RASL10B: variants seen among roughly 807,000 people sequenced by gnomAD.
RASL10B encodes ras-like protein family member 10B.
In RASL10B, 10 loss-of-function variants were observed where a neutral mutation model predicts 20.7. The ratio of observed to expected loss-of-function variants is 0.48; its 90% CI spans 0.30 to 0.82. RASL10B has a LOEUF of 0.82. Among genes scored for constraint, RASL10B ranks in the 40% least tolerant of loss-of-function variants. The pLI is 0.07. For missense variants in RASL10B, 231 were observed against 295.4 expected (o/e 0.78, Z 1.60); for synonymous variants, 110 against 123.3 (o/e 0.89, Z 0.72).
At chr17:35,732,329 GTC>G (rs2085563476) in intron 1 of RASL10B, among the ~76,000 whole-genome samples, 1 of 152,224 alleles carries the variant, frequency 6.6e-6, no homozygotes, top group Admixed American at 6.5e-5. Flanking sequence ...CCCTGTGTGT[GTC>G]TCTGGTCTCT....
chr17:35,735,919 A>G lies in RASL10B; in HGVS notation c.216+519A>G, dbSNP rs138306614. Among the ~76,000 whole-genome samples the G allele has an allele frequency of 3.1e-3, 476 of 152,290 alleles. 1 individual carries two copies. Among genetic ancestry groups the G allele is most frequent in the African/African-American group, 0.011 (457 of 41,570 alleles). ...ACTGTGAGTATTCGGAGCTGTGCCT[A>G]CCGTAACCTCACTCCACATCCTCTG... On this transcript the variant is annotated intron_variant, in intron 2 of 3. Transcript: ENST00000603017. This position sits in a 1 kb window ranked among gnomAD's most constrained non-coding sequence, Gnocchi z 6.7.
rs1327966526 is a variant in RASL10B, at chr17:35,731,670, G to A, written c.-356G>A. The A allele has an allele frequency of 6.6e-6, 1 of 152,244 alleles. No homozygotes were observed. The highest frequency in any genetic ancestry group is 1.5e-5 in the Non-Finnish European group (1 of 68,092). The allele number at this position is 152,244 out of a possible 1,614,324, so 9.4% of individuals were successfully genotyped here. A position where few individuals can be genotyped will look rare whatever the true frequency, so the allele number is the denominator to read the frequency against. Reference sequence around the variant, plus strand: ...GCGCGAGCAGGCGGCGCGCTCCGGAGGGAGAGCTGGGGCTGGAGGTTCCTA... The same window carrying A: ...GCGCGAGCAGGCGGCGCGCTCCGGAAGGAGAGCTGGGGCTGGAGGTTCCTA... On this transcript the variant is annotated 5_prime_UTR_variant, in exon 1 of 4. Transcript: ENST00000603017.
chr17:35,733,102 G>GT (rs869133093), intron 1 of RASL10B, among the ~76,000 whole-genome samples: 1 of 152,250 alleles, frequency 6.6e-6, no homozygotes, highest in African/African-American at 2.4e-5. Flanking sequence ...CACTGGGTTT[G>GT]TTTTTTGGGG....
At chr17:35,732,527 G>A (rs2085564646) in intron 1 of RASL10B, among the ~76,000 whole-genome samples, 1 of 152,230 alleles carries the variant, frequency 6.6e-6, no homozygotes, top group African/African-American at 2.4e-5. Context: ...CTGGAAAGAA[G>A]GAAGGGGCAC....
chr17:35,732,632 G>C (rs2085565169), intron 1 of RASL10B, among the ~76,000 whole-genome samples: 1 of 152,132 alleles, frequency 6.6e-6, no homozygotes, highest in Admixed American at 6.5e-5. Flanking sequence ...CCCCTTCCTA[G>C]CTCCTGGGTA....
chr17:35,740,741 G>T (rs2143020413), intron 3 of RASL10B, among the ~76,000 whole-genome samples: 1 of 152,348 alleles, frequency 6.6e-6, no homozygotes. Flanking sequence ...CTAGAGTAGT[G>T]CAGTAGTTAA....
chr17:35,739,334 G>A lies in RASL10B; in HGVS notation c.217-1075G>A, dbSNP rs191622477. On this transcript the variant is annotated intron_variant, in intron 2 of 3. Coordinates refer to ENST00000603017, the MANE Select transcript of RASL10B (RefSeq NM_033315.4). ...TCTAGTCTTTTGCCTGGGCTTTGGT[G>A]GGAGAAGACTCTGGTTTCCTTTGTC... is the stretch of plus-strand genomic sequence containing the variant. Among the ~76,000 whole-genome samples the A allele has an allele frequency of 1.8e-3, 268 of 152,312 alleles. 1 individual carries two copies. Among genetic ancestry groups the A allele is most frequent in the Admixed American group, 3.1e-3 (47 of 15,296 alleles).
At chr17:35,736,338 G>A (rs1206696845) in intron 2 of RASL10B, among the ~76,000 whole-genome samples, 8 of 152,202 alleles carry the variant, frequency 5.3e-5, no homozygotes, top group East Asian at 1.9e-4. Flanking sequence ...GACAAGGCTC[G>A]TCCAGGTGTA....
intron 2 of RASL10B, among the ~76,000 whole-genome samples, chr17:35,736,376 C>A (rs587677835): frequency 1.3e-5 from 2 of 152,356 alleles, no homozygotes; most frequent in South Asian, 2.1e-4. Context: ...GTCTCTCAGG[C>A]TGAGACCCTG....
Position 35,741,505 on chromosome 17 carries a change from T to A in RASL10B, c.*200T>A. 1.2e-6 allele frequency: 1 copy of A among 800,862 alleles called. No homozygotes were observed. Among genetic ancestry groups the A allele is most frequent in the East Asian group, 3.4e-5 (1 of 29,748 alleles). The allele number at this position is 800,862 out of a possible 1,614,324, so 49.6% of individuals were successfully genotyped here. A position where few individuals can be genotyped will look rare whatever the true frequency, so the allele number is the denominator to read the frequency against. On this transcript the variant is annotated 3_prime_UTR_variant, in exon 4 of 4. Coordinates refer to ENST00000603017, the MANE Select transcript of RASL10B (RefSeq NM_033315.4). ...TGCCCAGCCCTGCCCCTTGCCCCCG[T>A]GGCTTCCTGGGACAGCCGCCTTCAG...
rs782625980 is a variant in RASL10B, at chr17:35,740,482, T to G, written c.290T>G (p.Phe97Cys). The G allele has an allele frequency of 6.2e-7, 1 of 1,614,052 alleles. No homozygotes were observed. The highest frequency in any genetic ancestry group is 8.5e-7 in the Non-Finnish European group (1 of 1,179,988). Reference protein sequence around the residue: ...AYILVYDICCFDSFEYVKTIR... With the variant: ...AYILVYDICCCDSFEYVKTIR... ...ATCCTGGTCTACGACATCTGCTGCTTTGACAGCTTTGAGTACGTCAAGACC... is the reference window on the plus strand; with the variant it reads ...ATCCTGGTCTACGACATCTGCTGCTGTGACAGCTTTGAGTACGTCAAGACC... The change falls in exon 3 of 4, where the codon TTT becomes TGT. Residue 97 changes from phenylalanine (F) to cysteine (C), a missense_variant. Phe to Cys is a radical substitution (Grantham distance 205, BLOSUM62 -2). Transcript: ENST00000603017.
In RASL10B at chr17:35,735,017, G is replaced by A; in HGVS notation, c.-147-21G>A. ...GTCCAGGGATAAGCCAGTGCACTAAGCCCACCTCTTGTCCCCACAGTCCAG... is the reference window on the plus strand; with the variant it reads ...GTCCAGGGATAAGCCAGTGCACTAAACCCACCTCTTGTCCCCACAGTCCAG... On this transcript the variant is annotated intron_variant, in intron 1 of 3. Coordinates refer to ENST00000603017, the MANE Select transcript of RASL10B (RefSeq NM_033315.4). This position sits in a 1 kb window ranked among gnomAD's most constrained non-coding sequence, Gnocchi z 6.7. 1.5e-6 allele frequency: 1 copy of A among 668,112 alleles called. No individual in the cohort carries two copies. Among genetic ancestry groups the A allele is most frequent in the South Asian group, 1.8e-5 (1 of 56,954 alleles). The allele number at this position is 668,112 out of a possible 1,614,324, so 41.4% of individuals were successfully genotyped here.
chr17:35,741,472 T>C lies in RASL10B; in HGVS notation c.*167T>C. On this transcript the variant is annotated 3_prime_UTR_variant, in exon 4 of 4. Transcript: ENST00000603017. ...AGAAGCAGAGCGCGAGAGGGAGCCC[T>C]CCGTAACTGCCCAGCCCTGCCCCTT... 1 of 1,064,196 alleles carries C rather than the reference T, an allele frequency of 9.4e-7. No individual in the cohort carries two copies. The highest frequency in any genetic ancestry group is 1.3e-6 in the Non-Finnish European group (1 of 795,218). 65.9% of individuals were successfully genotyped at this position (1,064,196 alleles called of 1,614,324 possible). A position where few individuals can be genotyped will look rare whatever the true frequency, so the allele number is the denominator to read the frequency against.
intron 2 of RASL10B, among the ~76,000 whole-genome samples, chr17:35,738,189 AG>A (rs1555597457): frequency 6.6e-6 from 1 of 152,086 alleles, no homozygotes; most frequent in African/African-American, 2.4e-5. Context: ...TCTCTTTTCA[AG>A]AACTATTGAT....
At chr17:35,732,937 T>A (rs1172613521) in intron 1 of RASL10B, among the ~76,000 whole-genome samples, 1 of 152,034 alleles carries the variant, frequency 6.6e-6, no homozygotes, top group Non-Finnish European at 1.5e-5. Context: ...GAGGGACACA[T>A]GGGGAGGAGG....
chr17:35,736,198 G>A (rs1450187228), intron 2 of RASL10B, among the ~76,000 whole-genome samples: 3 of 151,110 alleles, frequency 2.0e-5, no homozygotes, highest in Non-Finnish European at 4.4e-5. Flanking sequence ...CCTCTGACTT[G>A]AGAGGGAGTG....
At chr17:35,739,657 G>C (rs1293605834) in intron 2 of RASL10B, among the ~76,000 whole-genome samples, 3 of 152,196 alleles carry the variant, frequency 2.0e-5, no homozygotes, top group Non-Finnish European at 4.4e-5. Flanking sequence ...TGAGGGCAGA[G>C]AGAAGCATAC....
intron 2 of RASL10B, among the ~76,000 whole-genome samples, chr17:35,739,745 G>T (rs1485652505): frequency 2.6e-5 from 4 of 152,232 alleles, no homozygotes; most frequent in African/African-American, 9.6e-5. Context: ...GGGCCATGGA[G>T]AGCTCACCAG....
intron 3 of RASL10B, 61 bp downstream of exon 3, chr17:35,740,594 C>T: frequency 6.3e-7 from 1 of 1,583,702 alleles, no homozygotes. Flanking sequence ...TAGCCAGTCC[C>T]TGTGAAAAGG....
Sources: allele counts gnomAD v4.1 joint callset (sites outside exome capture counted in the v4.1 genomes callset), GRCh38; gene constraint gnomAD v4.1.1; non-coding constraint Gnocchi (gnomAD v3.1); transcripts MANE v1.5; gene names NCBI Gene and HGNC (gene_info 2026-07-23, HGNC 2026-07-21).